PHF20: variants seen among roughly 807,000 people sequenced by gnomAD.
PHF20 encodes the protein PHD finger protein 20, also known as glioma-expressed antigen 2.
PHF20 carries 23 observed loss-of-function variants against 113.5 expected under a neutral mutation model. That is an observed-to-expected ratio of 0.20 (90% CI 0.15 to 0.29). The LOEUF is 0.29. Ranked by LOEUF, PHF20 falls within the 10% of genes least tolerant of loss-of-function variation. The pLI, the probability that PHF20 is intolerant of heterozygous loss-of-function variation, is 1.00. For synonymous variants in PHF20, 434 were observed against 457.3 expected, an observed-to-expected ratio of 0.95 and a Z score of 0.65; for missense variants, 943 against 1,219.6, an observed-to-expected ratio of 0.77 and a Z score of 3.38.
In PHF20 at chr20:35,801,597, A is replaced by G. The variant is rs1459758054; in HGVS notation, c.75A>G (p.Leu25=). The G allele has an allele frequency of 5.0e-6, 8 of 1,608,662 alleles. No homozygotes were observed. The Admixed American group carries it at 6.7e-5, about 13-fold the overall frequency. ...CCCAGTTGGAAGCCCGGGACCGTTTAAAAAACTGGTACTTTTACATTTTTC... is the reference window on the plus strand; with the variant it reads ...CCCAGTTGGAAGCCCGGGACCGTTTGAAAAACTGGTACTTTTACATTTTTC... ...VGAQLEARDR[L]KNWYPAHIED... is the part of the protein sequence containing the mutation. Residue 25 remains leucine (L), a synonymous_variant, in exon 2 of 18, where the codon TTA becomes TTG. Coordinates refer to ENST00000374012, the MANE Select transcript of PHF20 (RefSeq NM_016436.5).
At chr20:35,942,847 G>A (rs1207903217) in intron 17 of PHF20, among the ~76,000 whole-genome samples, 1 of 150,264 alleles carries the variant, frequency 6.7e-6, no homozygotes, top group Non-Finnish European at 1.5e-5. Context: ...TTTTTGAGAT[G>A]GAGTCTCGCT....
intron 15 of PHF20, among the ~76,000 whole-genome samples, chr20:35,933,752 C>T (rs6060695): frequency 0.059 from 8,936 of 152,210 alleles, 426 homozygotes; most frequent in African/African-American, 0.14. Flanking sequence ...AGGCTGGTCT[C>T]GAGCTCCTGG....
chr20:35,838,980 C>T (rs552198957), intron 2 of PHF20, among the ~76,000 whole-genome samples: 57 of 144,794 alleles, frequency 3.9e-4, no homozygotes, highest in African/African-American at 1.4e-3. Context: ...GGAAACAGAG[C>T]GAGACCCTGT....
At chr20:35,903,062 C>CCTTTT (rs2055130930) in intron 10 of PHF20, among the ~76,000 whole-genome samples, 1 of 108,798 alleles carries the variant, frequency 9.2e-6, no homozygotes, top group Non-Finnish European at 1.8e-5. Flanking sequence ...CCTTTCCTTT[C>CCTTTT]CTTTCCTATC....
chr20:35,907,878 T>C (rs1285074042), intron 10 of PHF20, among the ~76,000 whole-genome samples: 1 of 152,234 alleles, frequency 6.6e-6, no homozygotes, highest in African/African-American at 2.4e-5. Context: ...TAATGCTGTG[T>C]CAGAGGGGTG....
In PHF20 at chr20:35,900,893, T is replaced by TA. The variant is rs562638149; in HGVS notation, c.1561+1246dup. Among the ~76,000 whole-genome samples, 282 of 152,222 alleles carry TA rather than the reference T, an allele frequency of 1.9e-3. 1 individual carries two copies. The highest frequency in any genetic ancestry group is 5.7e-3 in the African/African-American group (237 of 41,534). ...CATGCAGATTGTATGGTTCTGCTTA[T>TA]ATAAAGTTCAAAAATGAGTAAGAAA... On this transcript the variant is annotated intron_variant, in intron 10 of 17. Transcript: ENST00000374012.
intron 1 of PHF20, among the ~76,000 whole-genome samples, chr20:35,778,748 T>C (rs2041224470): frequency 7.0e-6 from 1 of 143,528 alleles, no homozygotes; most frequent in Admixed American, 7.0e-5. Context: ...AGTGAAACTG[T>C]GTCTCAAAAA....
At chr20:35,912,367 GAA>G (rs1383318584) in intron 10 of PHF20, among the ~76,000 whole-genome samples, 1 of 152,204 alleles carries the variant, frequency 6.6e-6, no homozygotes, top group Non-Finnish European at 1.5e-5. Flanking sequence ...ATGTAATTAG[GAA>G]AAACTGTGAA....
At chr20:35,942,863 G>A (rs754904246) in intron 17 of PHF20, among the ~76,000 whole-genome samples, 1 of 151,180 alleles carries the variant, frequency 6.6e-6, no homozygotes, top group Non-Finnish European at 1.5e-5. Flanking sequence ...TCGCTCTGTT[G>A]CCCGGGCTGG....
At chr20:35,871,172 G>T in intron 8 of PHF20, 38 bp downstream of exon 8, 2 of 1,517,292 alleles carry the variant, frequency 1.3e-6, no homozygotes, top group Admixed American at 2.0e-5. Context: ...TGCCAACCTG[G>T]TTCCTATTTA....
rs756123654 is a variant in PHF20, at chr20:35,940,864, G to A, written c.2713G>A (p.Val905Met). Residue 905 changes from valine to methionine, a missense_variant and splice_region_variant, in exon 17 of 18, where the codon GTG (valine) becomes ATG (methionine). Physicochemically the swap from Val to Met is conservative, Grantham distance 21. Transcript: ENST00000374012. ...AATTTCCATGCCATTGCATCCCCAG[G>A]TGAAGGAATATGTCTCCAAAAAGGC... Reference protein sequence around the residue: ...DSDPKPGSPKVKEYVSKKALP... With the variant: ...DSDPKPGSPKMKEYVSKKALP... The A allele has an allele frequency of 2.5e-6, 4 of 1,610,756 alleles. No homozygotes were observed. The African/African-American group carries it at 4.0e-5, about 16-fold the overall frequency.
intron 15 of PHF20, among the ~76,000 whole-genome samples, chr20:35,934,426 T>TTC (rs1229192322): frequency 6.6e-6 from 1 of 152,252 alleles, no homozygotes; most frequent in Non-Finnish European, 1.5e-5. Context: ...TAGGAGACCT[T>TTC]TCTCCAGGAT....
chr20:35,887,825 A>G (rs913291661), intron 9 of PHF20: 15 of 151,772 alleles, frequency 9.9e-5, no homozygotes, highest in Admixed American at 2.0e-4. Flanking sequence ...AAAAAAAAAA[A>G]AAGAAGAAGT....
At chr20:35,924,787 T>G (rs1422644526) in intron 13 of PHF20, among the ~76,000 whole-genome samples, 1 of 151,492 alleles carries the variant, frequency 6.6e-6, no homozygotes, top group African/African-American at 2.4e-5. Flanking sequence ...AGAGATGAGG[T>G]CTCACCATGT....
intron 2 of PHF20, among the ~76,000 whole-genome samples, chr20:35,838,752 G>A (rs368685572): frequency 2.0e-5 from 3 of 151,846 alleles, no homozygotes; most frequent in South Asian, 4.2e-4. Flanking sequence ...ACTTTGGGAG[G>A]CTGACGCAGG....
At chr20:35,811,987 A>T (rs2041987326) in intron 2 of PHF20, among the ~76,000 whole-genome samples, 1 of 148,420 alleles carries the variant, frequency 6.7e-6, no homozygotes, top group East Asian at 2.1e-4. Context: ...GTTAGCCAGG[A>T]TGGTCTCGAT....
intron 2 of PHF20, among the ~76,000 whole-genome samples, chr20:35,803,274 A>C (rs1306364012): frequency 6.6e-6 from 1 of 151,218 alleles, no homozygotes; most frequent in Non-Finnish European, 1.5e-5. Flanking sequence ...AAAAGAAAAA[A>C]GAAAAAATAA....
intron 9 of PHF20, among the ~76,000 whole-genome samples, chr20:35,891,188 C>T (rs1461983285): frequency 1.3e-5 from 2 of 152,010 alleles, no homozygotes; most frequent in East Asian, 1.9e-4. Flanking sequence ...ACCAGCCTGT[C>T]GTAAATGACG....
Position 35,938,894 on chromosome 20 carries a change from C to G in PHF20, c.2498C>G (p.Ser833Cys). 9.9e-6 allele frequency: 16 copies of G among 1,614,190 alleles called. No homozygotes were observed. The highest frequency in any genetic ancestry group is 1.4e-5 in the Non-Finnish European group (16 of 1,180,018). The change falls in exon 16 of 18, where the codon TCC becomes TGC. Residue 833 changes from serine (S) to cysteine (C), a missense_variant. Around this residue, in one of 3 missense-constraint regions of PHF20, gnomAD observed 349 missense variants for 412.3 expected, o/e 0.85. Coordinates refer to ENST00000374012, the MANE Select transcript of PHF20 (RefSeq NM_016436.5). Reference protein sequence around the residue: ...ALPLPRSVEESYITSEHCYQK... With the variant: ...ALPLPRSVEECYITSEHCYQK... The stretch of plus-strand genomic sequence containing the variant: ...CCCCTGCCGCGTTCTGTGGAGGAAT[C>G]CTATATCACCAGTGAGCATTGCTAC...
Sources: gnomAD v4.1 joint callset for allele counts (sites outside exome capture counted in the v4.1 genomes callset) on GRCh38, gnomAD v4.1.1 for gene constraint, gnomAD v4.1.1 regional missense constraint, MANE v1.5 for transcripts, NCBI Gene and HGNC (gene_info 2026-07-23, HGNC 2026-07-21) for gene names.